The following C1orf146 variants were observed in gnomAD, a reference collection of about 807,000 sequenced individuals.
C1orf146 encodes chromosome 1 open reading frame 146.
Under a neutral mutation model 23.0 loss-of-function variants are expected in C1orf146, and 22 were observed. The ratio of observed to expected loss-of-function variants is 0.96; its 90% CI spans 0.68 to 1.36. C1orf146 has a LOEUF of 1.36. Ranked by LOEUF, C1orf146 falls within the 40% of genes most tolerant of loss-of-function variation. C1orf146 has a pLI of 0.00. For synonymous variants in C1orf146, 59 were observed against 65.3 expected (o/e 0.90, Z 0.47); for missense variants, 199 against 206.8 (o/e 0.96, Z 0.23).
intron 2 of C1orf146, among the ~76,000 whole-genome samples, chr1:92,233,566 T>C (rs538256157): frequency 1.3e-5 from 2 of 152,326 alleles, no homozygotes; most frequent in African/African-American, 4.8e-5. Context: ...TTTGTTCTTT[T>C]GGCTTAGGAT....
intron 2 of C1orf146, among the ~76,000 whole-genome samples, chr1:92,235,741 G>A (rs1281317081): frequency 6.6e-5 from 10 of 152,232 alleles, no homozygotes; most frequent in East Asian, 1.9e-4. Context: ...GTGTGTGGGC[G>A]TCTAAGTCTC....
At chr1:92,224,966 C>G (rs1651931415) in intron 1 of C1orf146, among the ~76,000 whole-genome samples, 1 of 152,148 alleles carries the variant, frequency 6.6e-6, no homozygotes, top group African/African-American at 2.4e-5. Context: ...TGGTCTCCAT[C>G]TCTTGACCTC....
chr1:92,240,694 T>A (rs898724492), intron 2 of C1orf146: 2 of 159,566 alleles, frequency 1.3e-5, no homozygotes, highest in Admixed American at 6.4e-5. Context: ...TTATTTATTT[T>A]TTAATTTTTA....
intron 1 of C1orf146, among the ~76,000 whole-genome samples, chr1:92,219,734 AG>A (rs1385322209): frequency 6.6e-6 from 1 of 151,966 alleles, no homozygotes; most frequent in Non-Finnish European, 1.5e-5. Flanking sequence ...AATGCACTGC[AG>A]CCTCAAACTC....
At chr1:92,229,580 C>G in intron 1 of C1orf146, 1 of 312,806 alleles carries the variant, frequency 3.2e-6, no homozygotes, top group Non-Finnish European at 6.3e-6. Context: ...GAAGGTCTTC[C>G]AACTCCAGTG....
chr1:92,221,144 T>C (rs1198577271), intron 1 of C1orf146, among the ~76,000 whole-genome samples: 2 of 152,186 alleles, frequency 1.3e-5, no homozygotes, highest in Non-Finnish European at 2.9e-5. Flanking sequence ...TAGAATACTA[T>C]GCAGCCATGA....
intron 2 of C1orf146, among the ~76,000 whole-genome samples, chr1:92,241,175 A>G (rs1652421929): frequency 7.1e-6 from 1 of 140,844 alleles, no homozygotes; most frequent in Non-Finnish European, 1.5e-5. Context: ...GTCAGAATCC[A>G]TCTCCAAGTT....
chr1:92,229,071 G>C, intron 1 of C1orf146: 1 of 495,992 alleles, frequency 2.0e-6, no homozygotes, highest in Non-Finnish European at 4.0e-6. Context: ...CTGCTTGCTA[G>C]TGCACATCTG....
chr1:92,231,693 G>A (rs1652124306), intron 2 of C1orf146, among the ~76,000 whole-genome samples: 1 of 151,720 alleles, frequency 6.6e-6, no homozygotes, highest in Non-Finnish European at 1.5e-5. Context: ...TTCTTTGAAG[G>A]TTGGAGATTT....
Position 92,245,589 on chromosome 1 carries a change from C to T in C1orf146, c.458C>T (p.Ala153Val), listed in dbSNP as rs1328262131. ...AGCATTTGCTACAGAATGATAACAGCTAAAGCTTACATCATTGAGCAAAGT... is the reference window on the plus strand; with the variant it reads ...AGCATTTGCTACAGAATGATAACAGTTAAAGCTTACATCATTGAGCAAAGT... The part of the protein sequence containing the change: ...IDSICYRMIT[A>V]KAYIIEQSPV... Residue 153 changes from alanine to valine, a missense_variant, in exon 6 of 6, where the codon GCT (alanine) becomes GTT (valine). Transcript: ENST00000370375. The T allele has an allele frequency of 3.1e-6, 5 of 1,599,160 alleles. No individual in the cohort carries two copies. The highest frequency in any genetic ancestry group is 4.3e-6 in the Non-Finnish European group (5 of 1,174,006).
intron 1 of C1orf146, among the ~76,000 whole-genome samples, chr1:92,229,811 A>G (rs981863045): frequency 2.0e-5 from 3 of 152,170 alleles, no homozygotes; most frequent in Non-Finnish European, 4.4e-5. Flanking sequence ...ATACAAAGAA[A>G]TCCTACAAAT....
chr1:92,218,746 C>A (rs1651745861), intron 1 of C1orf146, among the ~76,000 whole-genome samples: 1 of 152,092 alleles, frequency 6.6e-6, no homozygotes, highest in African/African-American at 2.4e-5. Context: ...TCTGTCCCTG[C>A]ACGCTCAGCG....
At chr1:92,222,775 A>C (rs994298580) in intron 1 of C1orf146, among the ~76,000 whole-genome samples, 1 of 151,518 alleles carries the variant, frequency 6.6e-6, no homozygotes, top group Non-Finnish European at 1.5e-5. Flanking sequence ...TTTAGTAGAG[A>C]TGGGGTTTCA....
chr1:92,244,527 A>G, intron 4 of C1orf146, 142 bp downstream of exon 4: 1 of 733,126 alleles, frequency 1.4e-6, no homozygotes. Context: ...TGGGCCAAAT[A>G]GCTATTCTAT....
At chr1:92,218,261 G>A (rs1239687181) in intron 1 of C1orf146, among the ~76,000 whole-genome samples, 1 of 152,128 alleles carries the variant, frequency 6.6e-6, no homozygotes, top group Non-Finnish European at 1.5e-5. Context: ...CCTGTCAGAA[G>A]TCCGTCACCC....
intron 2 of C1orf146, 101 bp downstream of exon 2, chr1:92,231,587 A>G (rs1455679288): frequency 2.9e-6 from 2 of 680,248 alleles, no homozygotes; most frequent in Admixed American, 2.9e-5. Context: ...ATTATCCACA[A>G]TTAATTGTGG....
chr1:92,220,882 T>C (rs1331938897), intron 1 of C1orf146, among the ~76,000 whole-genome samples: 6 of 152,216 alleles, frequency 3.9e-5, no homozygotes. Flanking sequence ...TGCATTTCTG[T>C]TGAGCATACA....
intron 3 of C1orf146, among the ~76,000 whole-genome samples, chr1:92,243,400 G>A (rs1334851638): frequency 2.0e-5 from 3 of 152,108 alleles, no homozygotes; most frequent in Non-Finnish European, 4.4e-5. Flanking sequence ...AGGCTGGAGT[G>A]CAGTGGTGTG....
At chr1:92,224,483 G>T (rs1651917933) in intron 1 of C1orf146, among the ~76,000 whole-genome samples, 1 of 152,180 alleles carries the variant, frequency 6.6e-6, no homozygotes, top group South Asian at 2.1e-4. Context: ...TCCTCTAGGA[G>T]ACTTACAGTT....
Sources: gnomAD v4.1 joint callset for allele counts (sites outside exome capture counted in the v4.1 genomes callset) on GRCh38, gnomAD v4.1.1 for gene constraint, MANE v1.5 for transcripts, NCBI Gene and HGNC (gene_info 2026-07-23, HGNC 2026-07-21) for gene names.